OTOA: variants seen among roughly 807,000 people sequenced by gnomAD.
The protein encoded by OTOA is otoancorin.
A neutral mutation model predicts 110.8 loss-of-function variants in OTOA; 70 were observed. The ratio of observed to expected loss-of-function variants is 0.63; its 90% CI spans 0.52 to 0.77. The LOEUF (loss-of-function observed/expected upper bound fraction) is 0.77. Among genes scored for constraint, OTOA ranks in the 30% least tolerant of loss-of-function variants. The probability of loss-of-function intolerance (pLI) is 0.00; values close to 1 mark genes in which losing one functional copy is unlikely to be tolerated. For missense variants in OTOA, 917 were observed against 1,075.8 expected (o/e 0.85, Z 2.06); for synonymous variants, 373 against 431.5 (o/e 0.86, Z 1.68).
intron 1 of OTOA, among the ~76,000 whole-genome samples, chr16:21,671,432 C>T (rs927819874): frequency 1.3e-5 from 2 of 151,428 alleles, no homozygotes; most frequent in African/African-American, 2.4e-5. Context: ...ACTAAAAATA[C>T]AAAACTTAGC....
rs1898804091 is a variant in OTOA, at chr16:21,722,950, A to G, written c.1852A>G (p.Met618Val). 6.2e-7 allele frequency: 1 copy of G among 1,614,030 alleles called. No homozygotes were observed. The highest frequency in any genetic ancestry group is 8.5e-7 in the Non-Finnish European group (1 of 1,180,012). ...ATACTGGGAAGTTTCCAGATTGTCT[A>G]TGCCACCTTTCCTCTTGGCTGCACT... ...WKYWEVSRLS[M>V]PPFLLAALPA... Residue 618 changes from methionine to valine, a missense_variant, in exon 18 of 29, where the codon ATG becomes GTG. Met to Val is a conservative substitution (Grantham distance 21). Coordinates refer to ENST00000646100, the MANE Select transcript of OTOA (RefSeq NM_144672.4).
intron 1 of OTOA, among the ~76,000 whole-genome samples, chr16:21,677,731 C>G (rs1006293438): frequency 6.6e-6 from 1 of 152,056 alleles, no homozygotes; most frequent in African/African-American, 2.4e-5. Flanking sequence ...ATCCGCCCAC[C>G]TCAGCCTCCC....
chr16:21,686,316 G>T (rs908286287), intron 7 of OTOA, among the ~76,000 whole-genome samples: 19 of 150,770 alleles, frequency 1.3e-4, no homozygotes, highest in Non-Finnish European at 2.2e-4. Flanking sequence ...AGAGACAGGG[G>T]CTTGCTCTGT....
chr16:21,728,160 C>T, intron 19 of OTOA, 81 bp from the exon 20 acceptor site: 1 of 1,562,090 alleles, frequency 6.4e-7, no homozygotes, highest in Non-Finnish European at 8.8e-7. Context: ...CCACAGTGCC[C>T]ACCCCACAGG....
intron 18 of OTOA, among the ~76,000 whole-genome samples, chr16:21,723,722 G>C (rs1005339768): frequency 6.6e-6 from 1 of 152,260 alleles, no homozygotes; most frequent in South Asian, 2.1e-4. Flanking sequence ...CGATCTAGGG[G>C]TGCAAATGAT....
intron 17 of OTOA, among the ~76,000 whole-genome samples, chr16:21,720,054 C>G (rs996343343): frequency 9.2e-5 from 14 of 151,716 alleles, no homozygotes; most frequent in African/African-American, 1.2e-4. Context: ...CTCCTGGGCT[C>G]AAGAGATCCT....
intron 9 of OTOA, among the ~76,000 whole-genome samples, chr16:21,692,638 GC>G (rs200762741): frequency 0.013 from 1,961 of 152,030 alleles, 32 homozygotes; most frequent in South Asian, 0.037. Context: ...TAAAAATGGG[GC>G]CAGGTGGGCC....
chr16:21,714,883 G>A, intron 13 of OTOA, 102 bp from the exon 14 acceptor site: 1 of 1,471,440 alleles, frequency 6.8e-7, no homozygotes, highest in Non-Finnish European at 9.4e-7. Context: ...GTGCCCCTAA[G>A]GTGTCACCCA....
chr16:21,670,437 T>C (rs1966847530), intron 1 of OTOA, among the ~76,000 whole-genome samples: 1 of 152,148 alleles, frequency 6.6e-6, no homozygotes, highest in Non-Finnish European at 1.5e-5. Context: ...GGTCTCTGCT[T>C]AAATGTCACC....
intron 22 of OTOA, among the ~76,000 whole-genome samples, chr16:21,737,909 T>C (rs1899384065): frequency 6.6e-6 from 1 of 152,424 alleles, no homozygotes; most frequent in South Asian, 2.1e-4. Flanking sequence ...CCCCCAGTGA[T>C]AGTAGTTGAC....
At chr16:21,677,758 A>G (rs555281332) in intron 1 of OTOA, among the ~76,000 whole-genome samples, 1 of 152,242 alleles carries the variant, frequency 6.6e-6, no homozygotes, top group South Asian at 2.1e-4. Flanking sequence ...CTGGGATTAC[A>G]GGCGTGAGCC....
intron 1 of OTOA, among the ~76,000 whole-genome samples, chr16:21,668,445 T>A (rs1330698169): frequency 6.7e-6 from 1 of 149,858 alleles, no homozygotes; most frequent in Non-Finnish European, 1.5e-5. Flanking sequence ...TTTGTTTGTT[T>A]GCTTTGTTTC....
At chr16:21,714,866 C>A in intron 13 of OTOA, 119 bp from the exon 14 acceptor site, 1 of 1,326,178 alleles carries the variant, frequency 7.5e-7, no homozygotes, top group Non-Finnish European at 1.1e-6. Context: ...CTGTCTGGCT[C>A]ACTGCTGTGC....
chr16:21,668,844 TTCTC>T (rs1168563842), intron 1 of OTOA, among the ~76,000 whole-genome samples: 8 of 151,644 alleles, frequency 5.3e-5, no homozygotes, highest in Non-Finnish European at 1.0e-4. Flanking sequence ...TAGGTTCTCT[TTCTC>T]TCTCTCTCTG....
intron 17 of OTOA, among the ~76,000 whole-genome samples, chr16:21,720,236 A>G (rs1898687775): frequency 6.6e-6 from 1 of 152,168 alleles, no homozygotes. Context: ...GATGACAGGC[A>G]TGAGCCACTT....
chr16:21,701,954 T>G (rs1401774944), intron 11 of OTOA, among the ~76,000 whole-genome samples: 3 of 149,730 alleles, frequency 2.0e-5, no homozygotes, highest in Non-Finnish European at 4.5e-5. Context: ...TCCTGTTTTT[T>G]TTTTTTTTTT....
intron 1 of OTOA, 54 bp from the exon 2 acceptor site, chr16:21,678,457 T>C (rs1966866700): frequency 1.0e-6 from 1 of 1,002,224 alleles, no homozygotes; most frequent in Admixed American, 2.0e-5. Context: ...TGTGTGTGTA[T>C]ATATATATAT....
rs757210776 is a variant in OTOA, at chr16:21,691,658, G to A, written c.710G>A (p.Gly237Glu). The A allele has an allele frequency of 6.2e-7, 1 of 1,613,830 alleles. No individual in the cohort carries two copies. The highest frequency in any genetic ancestry group is 8.5e-7 in the Non-Finnish European group (1 of 1,179,852). ...AGAGCTCTCTATTCCTGGATGACTG[G>A]AATACTGCAGACATCCTCCAATGCC... ...SQRALYSWMTGILQTSSNATD... is the reference protein window; with the variant it reads ...SQRALYSWMTEILQTSSNATD... The change falls in exon 9 of 29, where the codon GGA (glycine) becomes GAA (glutamate). Residue 237 changes from glycine (G) to glutamate (E), a missense_variant. By Grantham distance (98) the Gly-to-Glu change is moderately conservative (BLOSUM62 -2). This residue lies in a region of OTOA where 840 missense variants were observed against 910.2 expected (regional missense o/e 0.92). Transcript: ENST00000646100.
At chr16:21,701,115 G>A (rs890919551) in intron 11 of OTOA, 88 bp downstream of exon 11, 2 of 1,585,596 alleles carry the variant, frequency 1.3e-6, no homozygotes, top group Non-Finnish European at 1.7e-6. Flanking sequence ...CACCCAGGGA[G>A]GGAAGGGAGG....
Sources: allele counts gnomAD v4.1 joint callset (sites outside exome capture counted in the v4.1 genomes callset), GRCh38; gene constraint gnomAD v4.1.1; regional missense constraint gnomAD v4.1.1; transcripts MANE v1.5; gene names NCBI Gene and HGNC (gene_info 2026-07-23, HGNC 2026-07-21).